Variants in SPOCK3 observed in about 807,000 individuals in gnomAD.
SPOCK3 encodes testican-3.
SPOCK3 carries 30 observed loss-of-function variants against 56.6 expected under a neutral mutation model. That is an observed-to-expected ratio of 0.53 (90% CI 0.40 to 0.72). SPOCK3 has a LOEUF of 0.72. Ranked by LOEUF, SPOCK3 falls within the 30% of genes least tolerant of loss-of-function variation. The pLI, the probability that SPOCK3 is intolerant of heterozygous loss-of-function variation, is 0.00. For synonymous variants in SPOCK3, 196 were observed against 183.3 expected (o/e 1.07, Z -0.56); for missense variants, 527 against 530.0 (o/e 0.99, Z 0.06).
At chr4:167,131,592 G>C (rs1402273745) in intron 2 of SPOCK3, among the ~76,000 whole-genome samples, 3 of 152,068 alleles carry the variant, frequency 2.0e-5, no homozygotes, top group Admixed American at 1.3e-4. Context: ...GACAGAGCAA[G>C]ACTCCGTCCC....
At chr4:166,969,854 A>G (rs1357376332) in intron 4 of SPOCK3, among the ~76,000 whole-genome samples, 1 of 152,144 alleles carries the variant, frequency 6.6e-6, no homozygotes, top group African/African-American at 2.4e-5. Flanking sequence ...ACCTATAGCC[A>G]TTGCCTATTA....
chr4:167,187,563 TC>T (rs1366965909), intron 2 of SPOCK3, among the ~76,000 whole-genome samples: 13 of 152,078 alleles, frequency 8.5e-5, no homozygotes, highest in Non-Finnish European at 7.4e-5. Context: ...CTTGCCCCAG[TC>T]TTTTTTTGCT....
At chr4:166,875,390 A>G (rs1732969273) in intron 6 of SPOCK3, among the ~76,000 whole-genome samples, 1 of 152,104 alleles carries the variant, frequency 6.6e-6, no homozygotes, top group African/African-American at 2.4e-5. Context: ...ATCATTTTCT[A>G]TAATGTAAAT....
intron 6 of SPOCK3, among the ~76,000 whole-genome samples, chr4:166,832,383 G>A (rs886376288): frequency 2.6e-5 from 3 of 116,824 alleles, no homozygotes; most frequent in African/African-American, 9.5e-5. Flanking sequence ...CAATCAGAAT[G>A]GCTATTATTA....
intron 6 of SPOCK3, among the ~76,000 whole-genome samples, chr4:166,798,253 G>C (rs577496893): frequency 6.6e-6 from 1 of 152,272 alleles, no homozygotes; most frequent in South Asian, 2.1e-4. Flanking sequence ...AGTATGCTGT[G>C]TTAAGCCCAC....
intron 2 of SPOCK3, among the ~76,000 whole-genome samples, chr4:167,065,922 A>C (rs1756081595): frequency 6.6e-6 from 1 of 151,856 alleles, no homozygotes; most frequent in Admixed American, 6.6e-5. Flanking sequence ...TAAACGACTG[A>C]AACCAATCCT....
At chr4:166,890,419 C>G (rs1734652180) in intron 5 of SPOCK3, among the ~76,000 whole-genome samples, 1 of 151,660 alleles carries the variant, frequency 6.6e-6, no homozygotes, top group Admixed American at 6.6e-5. Flanking sequence ...CAGTTTTTCC[C>G]CACGCAGTAG....
intron 3 of SPOCK3, among the ~76,000 whole-genome samples, chr4:167,033,301 A>G (rs1357058385): frequency 6.6e-6 from 1 of 150,774 alleles, no homozygotes; most frequent in Non-Finnish European, 1.5e-5. Context: ...TAAATAAAGA[A>G]AGGTAGCATA....
At chr4:166,786,292 A>G (rs1740721638) in intron 7 of SPOCK3, among the ~76,000 whole-genome samples, 1 of 152,154 alleles carries the variant, frequency 6.6e-6, no homozygotes, top group African/African-American at 2.4e-5. Context: ...ATTCTACAAC[A>G]CTTTCTGGAA....
intron 4 of SPOCK3, among the ~76,000 whole-genome samples, chr4:166,971,537 TTAA>T (rs1745388421): frequency 6.6e-6 from 1 of 152,038 alleles, no homozygotes; most frequent in Admixed American, 6.5e-5. Context: ...ATTTTTTCAA[TTAA>T]TAATAAAAGA....
chr4:167,087,414 G>GA (rs1401819808), intron 2 of SPOCK3, among the ~76,000 whole-genome samples: 2 of 152,124 alleles, frequency 1.3e-5, no homozygotes, highest in African/African-American at 2.4e-5. Flanking sequence ...CAATTATTCT[G>GA]ACATTTGTAA....
At chr4:167,101,012 T>C (rs531140763) in intron 2 of SPOCK3, among the ~76,000 whole-genome samples, 1 of 152,280 alleles carries the variant, frequency 6.6e-6, no homozygotes, top group South Asian at 2.1e-4. Flanking sequence ...TTGAAACTCA[T>C]GGTCAGTTTT....
At chr4:167,108,410 T>C (rs912089470) in intron 2 of SPOCK3, among the ~76,000 whole-genome samples, 1 of 151,884 alleles carries the variant, frequency 6.6e-6, no homozygotes, top group Non-Finnish European at 1.5e-5. Flanking sequence ...AATCTAAGTG[T>C]ACATCAACAG....
chr4:166,753,910 A>C (rs1216987117), intron 8 of SPOCK3, among the ~76,000 whole-genome samples: 2 of 152,090 alleles, frequency 1.3e-5, no homozygotes, highest in Non-Finnish European at 2.9e-5. Flanking sequence ...TAATACAGAA[A>C]GATGCATGAA....
At chr4:166,979,299 C>T (rs992024752) in intron 4 of SPOCK3, among the ~76,000 whole-genome samples, 7 of 152,142 alleles carry the variant, frequency 4.6e-5, no homozygotes, top group Admixed American at 1.3e-4. Context: ...TCTCCTGCAC[C>T]ATAAATCTCT....
chr4:167,152,904 C>G (rs984620871), intron 2 of SPOCK3, among the ~76,000 whole-genome samples: 2 of 151,952 alleles, frequency 1.3e-5, no homozygotes, highest in Non-Finnish European at 2.9e-5. Context: ...GTTTGTTTAG[C>G]CTATCTATTT....
At chr4:167,054,184 A>T (rs188182143) in intron 3 of SPOCK3, among the ~76,000 whole-genome samples, 1 of 152,322 alleles carries the variant, frequency 6.6e-6, no homozygotes, top group African/African-American at 2.4e-5. Flanking sequence ...ACCTCAGTTC[A>T]AGCAGATTCT....
intron 6 of SPOCK3, among the ~76,000 whole-genome samples, chr4:166,842,229 G>C (rs998981994): frequency 6.6e-6 from 1 of 152,212 alleles, no homozygotes; most frequent in Non-Finnish European, 1.5e-5. Context: ...GTGAGGAAGA[G>C]GACTTCAGCA....
rs574017405 is a variant in SPOCK3, at chr4:166,982,814, A to T, written c.350+17535T>A. Among the ~76,000 whole-genome samples the T allele has an allele frequency of 1.9e-3, 290 of 152,316 alleles. 1 individual carries two copies. The highest frequency in any genetic ancestry group is 6.4e-3 in the African/African-American group (267 of 41,586). On this transcript the variant is annotated intron_variant, in intron 4 of 10. Coordinates refer to ENST00000357545, the MANE Select transcript of SPOCK3 (RefSeq NM_001040159.2). ...CATATTTATTTTTAGACCATTTATT[A>T]AGAACACAGTGGCCCTATATTTTGA... is the stretch of plus-strand genomic sequence containing the variant.
Sources: allele counts gnomAD v4.1 joint callset (sites outside exome capture counted in the v4.1 genomes callset), GRCh38; gene constraint gnomAD v4.1.1; transcripts MANE v1.5; gene names NCBI Gene and HGNC (gene_info 2026-07-23, HGNC 2026-07-21).